PRKD3: variants seen among roughly 807,000 people sequenced by gnomAD.
The protein encoded by PRKD3 is serine/threonine-protein kinase D3.
Under a neutral mutation model 99.2 loss-of-function variants are expected in PRKD3, and 47 were observed. That is an observed-to-expected ratio of 0.47 (90% confidence interval 0.38 to 0.60). The LOEUF (loss-of-function observed/expected upper bound fraction) is 0.60. Among genes scored for constraint, PRKD3 ranks in the 20% least tolerant of loss-of-function variants. The probability of loss-of-function intolerance (pLI) is 0.00; values close to 1 mark genes in which losing one functional copy is unlikely to be tolerated. For missense variants in PRKD3, 1,019 were observed against 1,088.4 expected, an observed-to-expected ratio of 0.94 and a Z score of 0.90; for synonymous variants, 392 against 355.4, an observed-to-expected ratio of 1.10 and a Z score of -1.16.
intron 3 of PRKD3, among the ~76,000 whole-genome samples, chr2:37,292,374 C>T (rs1218105040): frequency 1.3e-5 from 2 of 148,400 alleles, no homozygotes; most frequent in African/African-American, 5.0e-5. Flanking sequence ...GAGACAGAGT[C>T]TCACTCTGTT....
chr2:37,314,720 G>A (rs758067015), intron 2 of PRKD3, among the ~76,000 whole-genome samples: 1 of 151,858 alleles, frequency 6.6e-6, no homozygotes, highest in Non-Finnish European at 1.5e-5. Flanking sequence ...AGTTTCTATG[G>A]TTTCAAATAA....
chr2:37,297,690 T>G (rs1440614350), intron 2 of PRKD3, among the ~76,000 whole-genome samples: 2 of 152,206 alleles, frequency 1.3e-5, no homozygotes, highest in Non-Finnish European at 2.9e-5. Flanking sequence ...TCAGGTATAT[T>G]GCAGGAGGCC....
At chr2:37,271,489 T>C (rs1669260546) in intron 12 of PRKD3, among the ~76,000 whole-genome samples, 1 of 152,210 alleles carries the variant, frequency 6.6e-6, no homozygotes, top group Admixed American at 6.5e-5. Flanking sequence ...TGCATAGTTG[T>C]ATATGGTCCA....
At chr2:37,302,225 C>G (rs1272479405) in intron 2 of PRKD3, among the ~76,000 whole-genome samples, 1 of 152,178 alleles carries the variant, frequency 6.6e-6, no homozygotes, top group Non-Finnish European at 1.5e-5. Flanking sequence ...AATTTGGCCT[C>G]TTTCCAACTG....
chr2:37,320,275 T>C (rs1435081726), intron 1 of PRKD3, among the ~76,000 whole-genome samples: 2 of 152,172 alleles, frequency 1.3e-5, no homozygotes, highest in Non-Finnish European at 2.9e-5. Context: ...TACCACATTA[T>C]TCCATATCCA....
intron 2 of PRKD3, among the ~76,000 whole-genome samples, chr2:37,309,846 C>CAA (rs33959650): frequency 1.4e-3 from 139 of 98,282 alleles, no homozygotes; most frequent in African/African-American, 3.4e-3. Flanking sequence ...GACTCCGTCT[C>CAA]AAAAAAAAAA....
intron 6 of PRKD3, among the ~76,000 whole-genome samples, chr2:37,284,776 CTTTAT>C (rs1299791330): frequency 4.6e-5 from 7 of 151,932 alleles, no homozygotes; most frequent in Non-Finnish European, 8.8e-5. Flanking sequence ...TCAAGAAAAG[CTTTAT>C]TTTATTATTA....
intron 2 of PRKD3, among the ~76,000 whole-genome samples, chr2:37,309,324 T>C (rs1345209276): frequency 6.6e-6 from 1 of 152,236 alleles, no homozygotes; most frequent in Non-Finnish European, 1.5e-5. Flanking sequence ...GTCACTTAAC[T>C]GTTCCTATCC....
At chr2:37,290,729 TGA>T (rs1670374782) in intron 4 of PRKD3, 137 bp downstream of exon 4, 2 of 879,788 alleles carry the variant, frequency 2.3e-6, no homozygotes. Flanking sequence ...AGAGATAAAA[TGA>T]GAGTCCTGAT....
intron 14 of PRKD3, among the ~76,000 whole-genome samples, chr2:37,264,949 G>C (rs964507020): frequency 5.3e-5 from 8 of 152,172 alleles, no homozygotes; most frequent in African/African-American, 1.7e-4. Flanking sequence ...TTCTAAATCA[G>C]TGATCCTGTG....
chr2:37,261,422 G>A (rs1221043743), intron 14 of PRKD3, among the ~76,000 whole-genome samples: 1 of 151,724 alleles, frequency 6.6e-6, no homozygotes, highest in African/African-American at 2.4e-5. Flanking sequence ...GGGAGGTGGA[G>A]GCTGCAGTGA....
intron 11 of PRKD3, 119 bp from the exon 12 acceptor site, chr2:37,272,551 T>A (rs930419843): frequency 1.1e-5 from 14 of 1,281,408 alleles, no homozygotes; most frequent in Admixed American, 3.4e-5. Context: ...AATACAATTA[T>A]GTACATTAAC....
At chr2:37,262,361 A>G (rs562174253) in intron 14 of PRKD3, among the ~76,000 whole-genome samples, 1 of 152,338 alleles carries the variant, frequency 6.6e-6, no homozygotes, top group Admixed American at 6.5e-5. Flanking sequence ...TCTCTGAGGC[A>G]CAGATTGTTT....
At chr2:37,287,310 A>G (rs901946201) in intron 5 of PRKD3, among the ~76,000 whole-genome samples, 8 of 148,590 alleles carry the variant, frequency 5.4e-5, no homozygotes, top group Admixed American at 2.0e-4. Context: ...TACACTATCA[A>G]TCTGAGGCAT....
At chr2:37,273,391 C>G (rs766681456) in intron 11 of PRKD3, among the ~76,000 whole-genome samples, 7 of 152,146 alleles carry the variant, frequency 4.6e-5, no homozygotes, top group Non-Finnish European at 1.0e-4. Context: ...TCATGATCCT[C>G]ATCACACTTG....
At chr2:37,319,227 T>A (rs974005036) in intron 1 of PRKD3, among the ~76,000 whole-genome samples, 1 of 152,204 alleles carries the variant, frequency 6.6e-6, no homozygotes, top group African/African-American at 2.4e-5. Context: ...ACAAAAATAG[T>A]ATCCAAGATG....
At chr2:37,290,807 A>C in intron 4 of PRKD3, 61 bp downstream of exon 4, 1 of 1,480,154 alleles carries the variant, frequency 6.8e-7, no homozygotes, top group South Asian at 1.3e-5. Context: ...TTTCACTGAT[A>C]ATAAAAAATG....
chr2:37,271,245 G>A (rs73927431), intron 12 of PRKD3, among the ~76,000 whole-genome samples: 6,224 of 152,052 alleles, frequency 0.041, 418 homozygotes, highest in African/African-American at 0.14. Flanking sequence ...CTCTAGTCCA[G>A]GGGTTAGCAA....
intron 14 of PRKD3, among the ~76,000 whole-genome samples, chr2:37,266,783 T>G (rs1404121980): frequency 6.6e-6 from 1 of 152,166 alleles, no homozygotes; most frequent in Non-Finnish European, 1.5e-5. Flanking sequence ...CCACCTCACC[T>G]GGCCAGAATG....
Sources: allele counts gnomAD v4.1 joint callset (sites outside exome capture counted in the v4.1 genomes callset), GRCh38; gene constraint gnomAD v4.1.1; transcripts MANE v1.5; gene names NCBI Gene and HGNC (gene_info 2026-07-23, HGNC 2026-07-21).